The following CLVS1 variants were observed in gnomAD, a reference collection of about 807,000 sequenced individuals.
CLVS1 encodes the protein clavesin-1.
Under a neutral mutation model 33.1 loss-of-function variants are expected in CLVS1, and 10 were observed. That is an observed-to-expected ratio of 0.30 (90% CI 0.19 to 0.51). The LOEUF (loss-of-function observed/expected upper bound fraction) is 0.51, where lower values mean the gene tolerates loss of function less well. Among genes scored for constraint, CLVS1 ranks in the 20% least tolerant of loss-of-function variants. The pLI is 0.97. For missense variants in CLVS1, 343 were observed against 433.4 expected, an observed-to-expected ratio of 0.79 and a Z score of 1.85; for synonymous variants, 163 against 166.1, an observed-to-expected ratio of 0.98 and a Z score of 0.14.
chr8:61,455,008 T>C (rs1335890975), intron 4 of CLVS1, among the ~76,000 whole-genome samples: 1 of 152,218 alleles, frequency 6.6e-6, no homozygotes, highest in African/African-American at 2.4e-5. Flanking sequence ...TATTTATCTT[T>C]ACCATTTAGC....
intron 3 of CLVS1, among the ~76,000 whole-genome samples, chr8:61,424,112 T>C (rs1815788094): frequency 6.6e-6 from 1 of 152,210 alleles, no homozygotes; most frequent in Non-Finnish European, 1.5e-5. Context: ...GATAAACCTG[T>C]TAGCAAGTTC....
At chr8:61,004,135 GC>G in the CLVS1 span, among the ~76,000 whole-genome samples, 1 of 152,210 alleles carries the variant, frequency 6.6e-6, no homozygotes, top group Non-Finnish European at 1.5e-5. Context: ...GGCTAATAAT[GC>G]CGACCTGGCA....
Position 61,166,031 on chromosome 8 carries a change from G to GTTTTTTTTTTT in CLVS1, c.-152+34175_-152+34185dup, listed in dbSNP as rs71245557. ...TATTTTTGTGGCTAAGCATCTAAGC[G>GTTTTTTTTTTT]TTTTTTTTTTTTTTGCCTGCCTTTG... is the stretch of plus-strand genomic sequence containing the variant. On this transcript the variant is annotated intron_variant, in intron 2 of 2. Coordinates refer to the CLVS1 transcript ENST00000522621. Among the ~76,000 whole-genome samples, 756 of 108,122 alleles carry GTTTTTTTTTTT rather than the reference G, an allele frequency of 7.0e-3. 47 individuals carry two copies. The highest frequency in any genetic ancestry group is 8.5e-3 in the Non-Finnish European group (435 of 51,364). 70.9% of individuals were successfully genotyped at this position (108,122 alleles called of 152,430 possible).
intron 2 of CLVS1, among the ~76,000 whole-genome samples, chr8:61,268,232 G>C (rs948033267): frequency 7.2e-6 from 1 of 139,282 alleles, no homozygotes; most frequent in Non-Finnish European, 1.5e-5. Context: ...TGATCTCATT[G>C]TTCAATTCCC....
intron 1 of CLVS1, among the ~76,000 whole-genome samples, chr8:61,130,164 G>A (rs537096633): frequency 6.6e-6 from 1 of 151,992 alleles, no homozygotes; most frequent in African/African-American, 2.4e-5. Context: ...CTTGAGCCTG[G>A]GAGGTGGAGG....
At chr8:61,420,557 G>C (rs572193781) in intron 3 of CLVS1, among the ~76,000 whole-genome samples, 2 of 151,796 alleles carry the variant, frequency 1.3e-5, no homozygotes, top group Admixed American at 6.6e-5. Flanking sequence ...AGCCGAGATC[G>C]CACCACTGCA....
chr8:61,488,767 A>G (rs1803964613), intron 5 of CLVS1, among the ~76,000 whole-genome samples: 1 of 152,186 alleles, frequency 6.6e-6, no homozygotes, highest in Non-Finnish European at 1.5e-5. Flanking sequence ...ATAGTTTCAT[A>G]AAGAGCAATA....
intron 2 of CLVS1, among the ~76,000 whole-genome samples, chr8:61,311,587 G>A (rs905014075): frequency 2.0e-5 from 3 of 152,190 alleles, no homozygotes; most frequent in Non-Finnish European, 4.4e-5. Flanking sequence ...ACAGGGCTCC[G>A]AAAATGTCGT....
the CLVS1 span, among the ~76,000 whole-genome samples, chr8:61,032,983 AGG>A: frequency 9.6e-4 from 81 of 84,516 alleles, 1 homozygote; most frequent in African/African-American, 3.9e-3. Context: ...GAAGGAAGGA[AGG>A]AAGGAAGGAA....
intron 5 of CLVS1, among the ~76,000 whole-genome samples, chr8:61,486,924 T>C (rs1803906866): frequency 1.3e-5 from 2 of 152,234 alleles, no homozygotes; most frequent in African/African-American, 4.8e-5. Context: ...TGCCTGGTGC[T>C]AATAAGGGAT....
the CLVS1 span, among the ~76,000 whole-genome samples, chr8:61,003,229 GGTCAC>G: frequency 1.9e-4 from 29 of 152,238 alleles, no homozygotes; most frequent in Middle Eastern, 3.4e-3. Flanking sequence ...CACTGGAAGG[GGTCAC>G]TTTCAAGGAT....
chr8:61,369,862 G>A (rs1813361342), intron 2 of CLVS1, among the ~76,000 whole-genome samples: 1 of 152,176 alleles, frequency 6.6e-6, no homozygotes, highest in Non-Finnish European at 1.5e-5. Context: ...AAATACATCA[G>A]CAGATGTACA....
intron 2 of CLVS1, among the ~76,000 whole-genome samples, chr8:61,282,807 A>G (rs2129593273): frequency 6.6e-6 from 1 of 152,346 alleles, no homozygotes; most frequent in South Asian, 2.1e-4. Flanking sequence ...GCAACCTGAA[A>G]GGGACTAACA....
At chr8:61,115,856 G>C (rs1432238510) in intron 1 of CLVS1, among the ~76,000 whole-genome samples, 1 of 147,450 alleles carries the variant, frequency 6.8e-6, no homozygotes, top group Non-Finnish European at 1.5e-5. Flanking sequence ...TGTCTTTATA[G>C]CAGCATGATT....
chr8:61,386,580 C>T (rs976319958), intron 3 of CLVS1, among the ~76,000 whole-genome samples: 3 of 152,288 alleles, frequency 2.0e-5, no homozygotes, highest in African/African-American at 7.2e-5. Flanking sequence ...TATTGGCCCT[C>T]TCTGATGTGG....
At chr8:61,267,465 T>A (rs1468943243) in intron 2 of CLVS1, among the ~76,000 whole-genome samples, 1 of 152,228 alleles carries the variant, frequency 6.6e-6, no homozygotes, top group African/African-American at 2.4e-5. Context: ...CAACTATTTT[T>A]AAAGTTTTCT....
At chr8:61,281,928 A>T (rs1809677971) in intron 2 of CLVS1, among the ~76,000 whole-genome samples, 2 of 152,246 alleles carry the variant, frequency 1.3e-5, no homozygotes. Flanking sequence ...ATCTTCATAT[A>T]GCAACAAATA....
intron 2 of CLVS1, among the ~76,000 whole-genome samples, chr8:61,241,805 T>G (rs144894165): frequency 6.6e-6 from 1 of 152,344 alleles, no homozygotes; most frequent in Non-Finnish European, 1.5e-5. Context: ...ATTATTTCAG[T>G]TCTTCCAGAA....
intron 2 of CLVS1, among the ~76,000 whole-genome samples, chr8:61,237,147 G>C (rs529565017): frequency 2.7e-4 from 41 of 152,344 alleles, no homozygotes; most frequent in Non-Finnish European, 2.2e-4. Context: ...AAACCCAAGA[G>C]AAGTCCAGTG....
Sources: gnomAD v4.1 joint callset for allele counts (sites outside exome capture counted in the v4.1 genomes callset) on GRCh38, gnomAD v4.1.1 for gene constraint, MANE v1.5 for transcripts, NCBI Gene and HGNC (gene_info 2026-07-23, HGNC 2026-07-21) for gene names.